The following SMYD5 variants were observed in gnomAD, a reference collection of about 807,000 sequenced individuals.
The protein encoded by SMYD5 is protein-lysine N-trimethyltransferase SMYD5.
A neutral mutation model predicts 57.4 loss-of-function variants in SMYD5; 35 were observed. The ratio of observed to expected loss-of-function variants is 0.61; its 90% CI spans 0.47 to 0.81. The LOEUF (loss-of-function observed/expected upper bound fraction) is 0.81, where lower values mean the gene tolerates loss of function less well. Ranked by LOEUF, SMYD5 falls within the 30% of genes least tolerant of loss-of-function variation. The pLI, the probability that SMYD5 is intolerant of heterozygous loss-of-function variation, is 0.00. For synonymous variants in SMYD5, 198 were observed against 189.7 expected (o/e 1.04, Z -0.36); for missense variants, 471 against 527.9 (o/e 0.89, Z 1.06).
rs116053390 is a variant in SMYD5 at position 73,222,774 on chromosome 2, G to A, written c.662G>A (p.Arg221Gln). Residue 221 changes from arginine to glutamine, a missense_variant, in exon 7 of 13, where the codon CGG becomes CAG. Coordinates refer to ENST00000389501, the MANE Select transcript of SMYD5 (RefSeq NM_006062.3). ...DKFKGQLELL[R>Q]RLFTEALYEE... ...ATCCAGGGCCAACTGGAACTTCTGC[G>A]GAGACTCTTCACAGAGGCCCTCTAT... 7.3e-5 allele frequency: 118 copies of A among 1,613,144 alleles called. No homozygotes were observed. The highest frequency in any genetic ancestry group is 9.3e-5 in the Non-Finnish European group (110 of 1,179,604).
chr2:73,219,033 C>T (rs763940224), intron 2 of SMYD5, 64 bp downstream of exon 2: 17 of 1,175,992 alleles, frequency 1.4e-5, no homozygotes, highest in Non-Finnish European at 2.0e-5. Context: ...GAGCTGCATA[C>T]ATCCCTACTG....
At chr2:73,221,286 T>G in intron 5 of SMYD5, 52 bp downstream of exon 5, 3 of 1,458,954 alleles carry the variant, frequency 2.1e-6, no homozygotes, top group Non-Finnish European at 2.9e-6. Context: ...CATTCAACCC[T>G]TGGTCTCAGT....
intron 1 of SMYD5, among the ~76,000 whole-genome samples, chr2:73,218,419 G>A (rs571045723): frequency 6.6e-6 from 1 of 152,286 alleles, no homozygotes; most frequent in East Asian, 1.9e-4. Flanking sequence ...CTGTCCCATG[G>A]TGTAGGATTT....
At chr2:73,225,764 C>T in intron 12 of SMYD5, 32 bp from the exon 13 acceptor site, 1 of 1,613,944 alleles carries the variant, frequency 6.2e-7, no homozygotes, top group Non-Finnish European at 8.5e-7. Context: ...AGCTCCCTGA[C>T]TTTTCCCCCT....
At chr2:73,218,749 G>C (rs1423892725) in intron 1 of SMYD5, 112 bp from the exon 2 acceptor site, 31 of 717,118 alleles carry the variant, frequency 4.3e-5, no homozygotes, top group Non-Finnish European at 7.1e-5. Context: ...AGAGGCAGAG[G>C]CCTCTCCTAA....
intron 11 of SMYD5, chr2:73,225,404 G>A (rs1160110807): frequency 3.3e-6 from 2 of 613,296 alleles, no homozygotes; most frequent in African/African-American, 3.7e-5. Flanking sequence ...ACGGCCTGAG[G>A]CCAACCAGTC....
At chr2:73,221,333 G>T in intron 5 of SMYD5, 99 bp downstream of exon 5, 1 of 951,538 alleles carries the variant, frequency 1.1e-6, no homozygotes, top group Non-Finnish European at 1.7e-6. Flanking sequence ...TGGATGCAGA[G>T]TTCTTCCTGG....
intron 1 of SMYD5, chr2:73,214,800 G>C (rs1686263377): frequency 7.6e-7 from 1 of 1,309,220 alleles, no homozygotes; most frequent in Non-Finnish European, 1.0e-6. Context: ...TCCTTGGAGT[G>C]CTGAGGAATT....
Position 73,220,745 on chromosome 2 carries a change from C to A in SMYD5, c.430C>A (p.Pro144Thr), listed in dbSNP as rs201766809. 6.2e-7 allele frequency: 1 copy of A among 1,613,976 alleles called. No individual in the cohort carries two copies. The highest frequency in any genetic ancestry group is 1.7e-5 in the Admixed American group (1 of 60,010). ...VLCPGPSQDD[P>T]LHPLNKLQEA... ...GTGCCCAGGCCCCTCCCAGGATGAC[C>A]CCTTGCATCCTCTCAATAAGCTTCA... Residue 144 changes from proline to threonine, a missense_variant, in exon 4 of 13, where the codon CCC becomes ACC. Physicochemically the swap from Pro to Thr is conservative, Grantham distance 38 (BLOSUM62 -1). Transcript: ENST00000389501.
Position 73,223,231 on chromosome 2 carries a change from CAGT to C in SMYD5, c.776+126_776+128del, listed in dbSNP as rs1222085549. Reference sequence around the variant, plus strand: ...TCTGGACAGATCACTGAACTGGACACAGTGGTGGGAATCAGAATGAGGCATTGG... The same window carrying C: ...TCTGGACAGATCACTGAACTGGACACGGTGGGAATCAGAATGAGGCATTGG... On this transcript the variant is annotated intron_variant, in intron 8 of 12. Coordinates refer to ENST00000389501, the MANE Select transcript of SMYD5 (RefSeq NM_006062.3). The C allele has an allele frequency of 1.0e-5, 9 of 900,856 alleles. No individual in the cohort carries two copies. The Admixed American group carries it at 1.1e-4, about 11-fold the overall frequency. 55.8% of individuals were successfully genotyped at this position (900,856 alleles called of 1,614,324 possible).
chr2:73,214,983 G>A (rs1686266246), intron 1 of SMYD5: 1 of 278,662 alleles, frequency 3.6e-6, no homozygotes, highest in African/African-American at 2.3e-5. Context: ...GCAAAGATGA[G>A]TACGTTAAAA....
chr2:73,214,622 T>G, intron 1 of SMYD5: 4 of 1,497,388 alleles, frequency 2.7e-6, no homozygotes, highest in South Asian at 1.2e-5. Context: ...GGCCCTTCTG[T>G]GGCTGCTCGG....
chr2:73,222,147 A>G (rs1219072295), intron 6 of SMYD5, among the ~76,000 whole-genome samples: 1 of 152,236 alleles, frequency 6.6e-6, no homozygotes, highest in Non-Finnish European at 1.5e-5. Context: ...CAACAGAGGA[A>G]GGGCATGTCA....
rs934047018 is a variant in SMYD5, at chr2:73,225,705, C to G, written c.1106+4C>G. 2 of 1,614,056 alleles carry G rather than the reference C, an allele frequency of 1.2e-6. No homozygotes were observed. Among genetic ancestry groups the G allele is most frequent in the African/African-American group, 2.7e-5 (2 of 74,940 alleles). On this transcript the variant is annotated splice_donor_region_variant and intron_variant, in intron 12 of 12. Transcript: ENST00000389501. ...ACAGCCGCCACAAGATCCTCAGGTG[C>G]CAGCTGGGGACATGGTTGTGCAGCT...
At position 73,223,917 on chromosome 2, in the gene SMYD5, G is replaced by A. The variant is rs201126012; in HGVS notation, c.884-30G>A. On this transcript the variant is annotated intron_variant, in intron 9 of 12. Coordinates refer to ENST00000389501, the MANE Select transcript of SMYD5 (RefSeq NM_006062.3). ...CTTTTCCTGCCTTTAAAAATGGGTAGAATAATGTGTGTGTATTACTGTCTT... is the reference window on the plus strand; with the variant it reads ...CTTTTCCTGCCTTTAAAAATGGGTAAAATAATGTGTGTGTATTACTGTCTT... 1.6e-4 allele frequency: 264 copies of A among 1,607,036 alleles called. 1 individual carries two copies. Among genetic ancestry groups the A allele is most frequent in the Admixed American group, 6.8e-4 (41 of 60,008 alleles).
rs1686497971 is a variant in SMYD5, at chr2:73,226,092, C to T, written c.*146C>T. On this transcript the variant is annotated 3_prime_UTR_variant, in exon 13 of 13. Transcript: ENST00000389501. Reference sequence around the variant, plus strand: ...TCTCTGCTAGAGGGTAGGAGAGAGCCTGGATCTCTGGCCCCAACCCCCACC... The same window carrying T: ...TCTCTGCTAGAGGGTAGGAGAGAGCTTGGATCTCTGGCCCCAACCCCCACC... 1.7e-6 allele frequency: 2 copies of T among 1,148,004 alleles called. No individual in the cohort carries two copies. Among genetic ancestry groups the T allele is most frequent in the South Asian group, 1.6e-5 (1 of 61,234 alleles). The allele number at this position is 1,148,004 out of a possible 1,614,324, so 71.1% of individuals were successfully genotyped here.
At chr2:73,215,677 C>T (rs1686282079) in intron 1 of SMYD5, among the ~76,000 whole-genome samples, 1 of 152,134 alleles carries the variant, frequency 6.6e-6, no homozygotes, top group South Asian at 2.1e-4. Context: ...TTCATTTCTT[C>T]CCTCTCGCTT....
At chr2:73,224,983 G>A (rs747486217) in intron 11 of SMYD5, 23 bp downstream of exon 11, 13 of 1,579,446 alleles carry the variant, frequency 8.2e-6, no homozygotes, top group African/African-American at 5.4e-5. Flanking sequence ...AGGAACCGTC[G>A]GGATGGGTGG....
In SMYD5 at chr2:73,223,947, C is replaced by T. The variant is rs773182666; in HGVS notation, c.884C>T (p.Ala295Val). The T allele has an allele frequency of 1.4e-5, 23 of 1,613,796 alleles. No individual in the cohort carries two copies. The highest frequency in any genetic ancestry group is 1.9e-5 in the Non-Finnish European group (22 of 1,179,644). Residue 295 changes from alanine to valine, a missense_variant and splice_region_variant, in exon 10 of 13, where the codon GCA becomes GTA. Physicochemically the swap from Ala to Val is moderately conservative, Grantham distance 64. Coordinates refer to ENST00000389501, the MANE Select transcript of SMYD5 (RefSeq NM_006062.3). Reference protein sequence around the residue: ...IDQLYKDIEAATGEFLNCEGS... With the variant: ...IDQLYKDIEAVTGEFLNCEGS... ...ATGTGTGTGTATTACTGTCTTACAG[C>T]AACTGGAGAGTTTCTTAACTGTGAA...
Sources: gnomAD v4.1 joint callset for allele counts (sites outside exome capture counted in the v4.1 genomes callset) on GRCh38, gnomAD v4.1.1 for gene constraint, MANE v1.5 for transcripts, NCBI Gene and HGNC (gene_info 2026-07-23, HGNC 2026-07-21) for gene names.